The following DDX60 variants were observed in gnomAD, a reference collection of about 807,000 sequenced individuals.
DDX60 encodes probable ATP-dependent RNA helicase DDX60.
A neutral mutation model predicts 212.8 loss-of-function variants in DDX60; 165 were observed. The observed-to-expected ratio is 0.78, with a 90% confidence interval of 0.68 to 0.88. DDX60 has a LOEUF of 0.88. Ranked by LOEUF, DDX60 falls within the 40% of genes least tolerant of loss-of-function variation. DDX60 has a pLI of 0.00. For synonymous variants in DDX60, 703 were observed against 685.3 expected (o/e 1.03, Z -0.40); for missense variants, 1,905 against 2,003.9 (o/e 0.95, Z 0.94).
chr4:168,287,286 A>G, intron 9 of DDX60, 83 bp from the exon 10 acceptor site: 1 of 1,292,200 alleles, frequency 7.7e-7, no homozygotes, highest in East Asian at 2.4e-5. Context: ...GAGTAAATTC[A>G]TGGAATTCTG....
chr4:168,248,305 T>G lies in DDX60; in HGVS notation c.3859-13A>C. The G allele has an allele frequency of 6.5e-7, 1 of 1,546,522 alleles. No homozygotes were observed. The highest frequency in any genetic ancestry group is 8.8e-7 in the Non-Finnish European group (1 of 1,139,344). On this transcript the variant is annotated splice_polypyrimidine_tract_variant and intron_variant, in intron 28 of 37. Transcript: ENST00000393743. ...TAGCTGTCACCACCTTGAAAGAGAATAAAACAATTACTTCATAAAATAGCA... is the reference window on the plus strand; with the variant it reads ...TAGCTGTCACCACCTTGAAAGAGAAGAAAACAATTACTTCATAAAATAGCA...
chr4:168,314,478 C>G (rs2149557599), intron 1 of DDX60, among the ~76,000 whole-genome samples: 1 of 152,176 alleles, frequency 6.6e-6, no homozygotes, highest in South Asian at 2.1e-4. Context: ...AAATATTTCT[C>G]ATAAAATAGT....
At chr4:168,273,256 A>T (rs762131664) in intron 18 of DDX60, 23 bp downstream of exon 18, 1 of 1,606,726 alleles carries the variant, frequency 6.2e-7, no homozygotes. Flanking sequence ...TTGATAACAC[A>T]CTTATTAATT....
intron 33 of DDX60, among the ~76,000 whole-genome samples, chr4:168,229,906 C>T (rs970740914): frequency 6.6e-6 from 1 of 152,020 alleles, no homozygotes; most frequent in Admixed American, 6.6e-5. Flanking sequence ...CCTAAATGCT[C>T]CACTTAGAAG....
Position 168,225,675 on chromosome 4 carries a change from A to T in DDX60, c.4535T>A (p.Val1512Glu). The T allele has an allele frequency of 6.2e-7, 1 of 1,607,770 alleles. No homozygotes were observed. Among genetic ancestry groups the T allele is most frequent in the Non-Finnish European group, 8.5e-7 (1 of 1,177,966 alleles). ...DAHFEFYQSK[V>E]FLDDLPEDFS... is the part of the protein sequence containing the mutation. ...ATCCTCAGGGAGATCATCAAGGAACACCTAGAAGCCGAATAATTTTCATAG... is the reference window on the plus strand; with the variant it reads ...ATCCTCAGGGAGATCATCAAGGAACTCCTAGAAGCCGAATAATTTTCATAG... The change falls in exon 34 of 38, where the codon GTG (valine) becomes GAG (glutamate). Residue 1512 changes from valine (V) to glutamate (E), a missense_variant and splice_region_variant. Coordinates refer to ENST00000393743, the MANE Select transcript of DDX60 (RefSeq NM_017631.6).
intron 10 of DDX60, among the ~76,000 whole-genome samples, chr4:168,285,941 GAGGA>G (rs1173385061): frequency 5.3e-4 from 56 of 105,018 alleles, no homozygotes; most frequent in East Asian, 5.1e-3. Context: ...GGAAGGAAGG[GAGGA>G]AGGGAGGGAG....
chr4:168,225,112 G>A (rs1160324383), intron 34 of DDX60, among the ~76,000 whole-genome samples: 2 of 152,052 alleles, frequency 1.3e-5, no homozygotes, highest in Non-Finnish European at 2.9e-5. Context: ...TAAGGCATGA[G>A]TATGGAGTCT....
chr4:168,278,034 G>A (rs1735426676), intron 14 of DDX60, among the ~76,000 whole-genome samples: 1 of 152,076 alleles, frequency 6.6e-6, no homozygotes, highest in Non-Finnish European at 1.5e-5. Context: ...CTGCATTGAT[G>A]CCTCAGTGTT....
intron 12 of DDX60, 144 bp from the exon 13 acceptor site, chr4:168,283,750 A>C: frequency 1.6e-6 from 1 of 634,112 alleles, no homozygotes; most frequent in Non-Finnish European, 2.6e-6. Context: ...AGAGAACGTA[A>C]AATCAAGTTA....
intron 33 of DDX60, 113 bp downstream of exon 33, chr4:168,236,139 T>C: frequency 1.0e-6 from 1 of 1,001,900 alleles, no homozygotes; most frequent in Non-Finnish European, 1.4e-6. Context: ...AATTATTCTA[T>C]AAAACAAATG....
At chr4:168,307,314 A>G (rs1156585890) in intron 4 of DDX60, among the ~76,000 whole-genome samples, 1 of 152,258 alleles carries the variant, frequency 6.6e-6, no homozygotes, top group Non-Finnish European at 1.5e-5. Flanking sequence ...GTATAGGATT[A>G]GGAAGGGTGG....
intron 5 of DDX60, among the ~76,000 whole-genome samples, chr4:168,304,514 A>G (rs942063000): frequency 5.9e-5 from 9 of 152,140 alleles, no homozygotes; most frequent in Non-Finnish European, 1.2e-4. Flanking sequence ...CAGCCTGGGC[A>G]ACATGGCAAA....
At chr4:168,218,389 G>A (rs1250490704) in intron 37 of DDX60, among the ~76,000 whole-genome samples, 1 of 152,054 alleles carries the variant, frequency 6.6e-6, no homozygotes, top group East Asian at 1.9e-4. Flanking sequence ...TTTACCAACT[G>A]CATAAATTTT....
At chr4:168,244,134 T>C (rs919184563) in intron 30 of DDX60, among the ~76,000 whole-genome samples, 14 of 151,838 alleles carry the variant, frequency 9.2e-5, no homozygotes, top group African/African-American at 3.4e-4. Context: ...TCAGGAAAAA[T>C]AACTAATGCA....
chr4:168,239,375 A>AAGATAGATAGATAGAT lies in DDX60; in HGVS notation c.4165-1596_4165-1581dup, dbSNP rs60160375. Among the ~76,000 whole-genome samples, 187 of 148,888 alleles carry AAGATAGATAGATAGAT rather than the reference A, an allele frequency of 1.3e-3. 1 individual carries two copies. The highest frequency in any genetic ancestry group is 1.5e-3 in the African/African-American group (62 of 40,258). On this transcript the variant is annotated intron_variant, in intron 30 of 37. Coordinates refer to ENST00000393743, the MANE Select transcript of DDX60 (RefSeq NM_017631.6). ...CAGATAGCAGAGAGATGATAGAAGG[A>AAGATAGATAGATAGAT]AGATAGATAGATAGATAGATAGATA...
chr4:168,261,131 C>T (rs115439573), intron 24 of DDX60, 142 bp from the exon 25 acceptor site: 30 of 918,084 alleles, frequency 3.3e-5, no homozygotes, highest in African/African-American at 8.6e-5. Flanking sequence ...CATTATAAAA[C>T]GAGGCAAAGA....
rs1360165895 is a variant in DDX60 at position 168,260,954 on chromosome 4, T to C, written c.3309A>G (p.Ala1103=). ...RMVLQNLSPE[A]DLSPENMITM... ...TGATCATGTTTTCTGGACTCAAATCTGCTTCAGGACTAAGATTCTGAAGTA... is the reference window on the plus strand; with the variant it reads ...TGATCATGTTTTCTGGACTCAAATCCGCTTCAGGACTAAGATTCTGAAGTA... Residue 1103 remains alanine (A), a synonymous_variant, in exon 25 of 38, where the codon GCA becomes GCG. Coordinates refer to ENST00000393743, the MANE Select transcript of DDX60 (RefSeq NM_017631.6). 13 of 1,613,650 alleles carry C rather than the reference T, an allele frequency of 8.1e-6. No individual in the cohort carries two copies. The highest frequency in any genetic ancestry group is 1.1e-5 in the Non-Finnish European group (13 of 1,179,742).
chr4:168,298,058 A>C (rs763559131), intron 6 of DDX60, among the ~76,000 whole-genome samples: 3 of 151,938 alleles, frequency 2.0e-5, no homozygotes. Context: ...AGGTAAAATA[A>C]GGAAACAGAG....
At chr4:168,227,804 G>A (rs563637948) in intron 33 of DDX60, among the ~76,000 whole-genome samples, 17 of 151,648 alleles carry the variant, frequency 1.1e-4, no homozygotes, top group South Asian at 6.3e-4. Flanking sequence ...TCCATTTTAT[G>A]TCTTTTTTAT....
Sources: allele counts gnomAD v4.1 joint callset (sites outside exome capture counted in the v4.1 genomes callset), GRCh38; gene constraint gnomAD v4.1.1; transcripts MANE v1.5; gene names NCBI Gene and HGNC (gene_info 2026-07-23, HGNC 2026-07-21).